SORCS2: variants seen among roughly 807,000 people sequenced by gnomAD.
SORCS2 encodes the protein sortilin related VPS10 domain containing receptor 2, also known as VPS10 domain-containing receptor SorCS2.
In SORCS2, 100 loss-of-function variants were observed where a neutral mutation model predicts 141.6. The ratio of observed to expected loss-of-function variants is 0.71; its 90% CI spans 0.60 to 0.83. SORCS2 has a LOEUF of 0.83. Ranked by LOEUF, SORCS2 falls within the 40% of genes least tolerant of loss-of-function variation. The pLI, the probability that SORCS2 is intolerant of heterozygous loss-of-function variation, is 0.00. For synonymous variants in SORCS2, 789 were observed against 676.9 expected (o/e 1.17, Z -2.57); for missense variants, 1,646 against 1,560.2 (o/e 1.05, Z -0.93).
chr4:7,694,449 G>T (rs1268665588), intron 11 of SORCS2, among the ~76,000 whole-genome samples: 1 of 152,004 alleles, frequency 6.6e-6, no homozygotes, highest in Non-Finnish European at 1.5e-5. Context: ...GTGACAGGCA[G>T]CCTGACAGCT....
rs146409233 is a variant in SORCS2 at position 7,549,325 on chromosome 4, C to T, written c.648+17696C>T. On this transcript the variant is annotated intron_variant, in intron 3 of 26. Coordinates refer to ENST00000507866, the MANE Select transcript of SORCS2 (RefSeq NM_020777.3). ...TCGATTTGAAGCTTGAAAGGAACTC[C>T]CAGCCTGCCTTTTCAACCCACCTGC... 1.8e-3 allele frequency among the ~76,000 whole-genome samples: 277 copies of T among 152,148 alleles called. 1 individual carries two copies. Among genetic ancestry groups the T allele is most frequent in the African/African-American group, 5.9e-3 (245 of 41,502 alleles).
intron 3 of SORCS2, among the ~76,000 whole-genome samples, chr4:7,534,423 C>G (rs1414184651): frequency 1.3e-5 from 2 of 152,232 alleles, no homozygotes; most frequent in Admixed American, 1.3e-4. Flanking sequence ...GAGCCTCACT[C>G]AAAATTACCA....
chr4:7,371,711 T>C (rs1159502929), intron 1 of SORCS2, among the ~76,000 whole-genome samples: 1 of 152,216 alleles, frequency 6.6e-6, no homozygotes, highest in African/African-American at 2.4e-5. Flanking sequence ...CATAGCCACC[T>C]ACACACTGAC....
chr4:7,467,568 A>C (rs537352184), intron 2 of SORCS2, among the ~76,000 whole-genome samples: 1 of 152,304 alleles, frequency 6.6e-6, no homozygotes, highest in East Asian at 1.9e-4. Context: ...TGGGCAGTCT[A>C]TGCCACTTGG....
At chr4:7,628,181 C>CACAGAACAGA (rs1214804134) in intron 3 of SORCS2, among the ~76,000 whole-genome samples, 1 of 152,148 alleles carries the variant, frequency 6.6e-6, no homozygotes, top group Admixed American at 6.5e-5. Context: ...GACATCAGCA[C>CACAGAACAGA]ACAGAACAGA....
At chr4:7,311,424 G>A (rs61685325) in intron 1 of SORCS2, among the ~76,000 whole-genome samples, 10,214 of 152,232 alleles carry the variant, frequency 0.067, 632 homozygotes, top group African/African-American at 0.17. Flanking sequence ...TTTCTCTCGG[G>A]TAAATATCTG....
Position 7,697,260 on chromosome 4 carries a change from C to A in SORCS2, c.1654C>A (p.His552Asn). The change falls in exon 12 of 27, where the codon CAC becomes AAC. Residue 552 changes from histidine to asparagine, a missense_variant. Physicochemically the swap from His to Asn is moderately conservative, Grantham distance 68. Transcript: ENST00000507866. Reference protein sequence around the residue: ...EEMYITSDCGHTWRQVFEEEH... With the variant: ...EEMYITSDCGNTWRQVFEEEH... ...AATGTACATCACGTCAGACTGTGGT[C>A]ACACCTGGCGGCAGGTAAGCTGGCT... 1.3e-6 allele frequency: 2 copies of A among 1,588,798 alleles called. No individual in the cohort carries two copies. The highest frequency in any genetic ancestry group is 1.2e-5 in the South Asian group (1 of 86,506).
intron 1 of SORCS2, among the ~76,000 whole-genome samples, chr4:7,386,559 C>T (rs1475931787): frequency 6.9e-5 from 7 of 101,002 alleles, no homozygotes; most frequent in Non-Finnish European, 1.0e-4. Flanking sequence ...GAGATACACA[C>T]GCACATGCAC....
intron 1 of SORCS2, among the ~76,000 whole-genome samples, chr4:7,291,433 G>T (rs576561278): frequency 6.6e-4 from 100 of 152,240 alleles, no homozygotes; most frequent in African/African-American, 2.3e-3. Context: ...TGGTGGTGCC[G>T]TGAGCAAGAA....
chr4:7,628,298 G>A (rs910322442), intron 3 of SORCS2, among the ~76,000 whole-genome samples: 3 of 152,126 alleles, frequency 2.0e-5, no homozygotes, highest in East Asian at 1.9e-4. Context: ...CGAGGCGGGC[G>A]GATCACGAGG....
chr4:7,496,873 A>T lies in SORCS2; in HGVS notation c.549-34657A>T, dbSNP rs760862195. Among the ~76,000 whole-genome samples the T allele has an allele frequency of 7.0e-4, 106 of 152,308 alleles. 1 individual carries two copies. Among genetic ancestry groups the T allele is most frequent in the Non-Finnish European group, 1.1e-3 (77 of 68,040 alleles). ...CCGGGCACAACTCAGCTTATCAAAG[A>T]AGCCAGAGCTGCTTCTCCAGGCGAG... On this transcript the variant is annotated intron_variant, in intron 2 of 26. Coordinates refer to ENST00000507866, the MANE Select transcript of SORCS2 (RefSeq NM_020777.3).
chr4:7,640,497 C>T (rs1182117472), intron 4 of SORCS2, among the ~76,000 whole-genome samples: 6 of 103,296 alleles, frequency 5.8e-5, no homozygotes, highest in East Asian at 8.1e-4. Context: ...CCTATGTGAG[C>T]GTATGTGAGA....
chr4:7,438,993 T>C (rs1454867435), intron 2 of SORCS2, among the ~76,000 whole-genome samples: 2 of 152,212 alleles, frequency 1.3e-5, no homozygotes, highest in Non-Finnish European at 2.9e-5. Flanking sequence ...TGTTCCAGGC[T>C]CATCTTTTTT....
intron 2 of SORCS2, among the ~76,000 whole-genome samples, chr4:7,464,511 C>T (rs1017943715): frequency 3.3e-5 from 5 of 151,992 alleles, no homozygotes; most frequent in Admixed American, 6.6e-5. Flanking sequence ...GACTGAGCCC[C>T]GAGGGGAAGT....
At chr4:7,393,599 C>T (rs1724005598) in intron 1 of SORCS2, among the ~76,000 whole-genome samples, 1 of 152,086 alleles carries the variant, frequency 6.6e-6, no homozygotes, top group Non-Finnish European at 1.5e-5. Context: ...GCTTTAGTTC[C>T]TTCATCTGTA....
intron 1 of SORCS2, among the ~76,000 whole-genome samples, chr4:7,339,077 G>T (rs889974991): frequency 1.3e-5 from 2 of 152,240 alleles, no homozygotes; most frequent in African/African-American, 2.4e-5. Flanking sequence ...CACAGATGTG[G>T]TATCACCTGC....
chr4:7,306,089 A>G (rs575160522), intron 1 of SORCS2, among the ~76,000 whole-genome samples: 2 of 152,304 alleles, frequency 1.3e-5, no homozygotes, highest in East Asian at 3.9e-4. Flanking sequence ...GGCTAGTGGC[A>G]GGGTCCCGGT....
At chr4:7,494,042 CACAT>C (rs1478437519) in intron 2 of SORCS2, among the ~76,000 whole-genome samples, 4 of 151,898 alleles carry the variant, frequency 2.6e-5, no homozygotes, top group Non-Finnish European at 4.4e-5. Context: ...CAGACACACA[CACAT>C]ACACTCACAT....
chr4:7,321,709 G>A (rs1280670440), intron 1 of SORCS2, among the ~76,000 whole-genome samples: 1 of 152,228 alleles, frequency 6.6e-6, no homozygotes, highest in South Asian at 2.1e-4. Flanking sequence ...TGATGGGCAT[G>A]TGCTTTTGGA....
Sources: allele counts gnomAD v4.1 joint callset (sites outside exome capture counted in the v4.1 genomes callset), GRCh38; gene constraint gnomAD v4.1.1; transcripts MANE v1.5; gene names NCBI Gene and HGNC (gene_info 2026-07-23, HGNC 2026-07-21).